The following CCSER1 variants were observed in gnomAD, a reference collection of about 807,000 sequenced individuals.
CCSER1 encodes the protein coiled-coil serine rich protein 1.
CCSER1 carries 41 observed loss-of-function variants against 82.0 expected under a neutral mutation model. The observed-to-expected ratio is 0.50, with a 90% confidence interval of 0.39 to 0.65. The LOEUF (loss-of-function observed/expected upper bound fraction) is 0.65, where lower values mean the gene tolerates loss of function less well. Among genes scored for constraint, CCSER1 ranks in the 30% least tolerant of loss-of-function variants. The pLI, the probability that CCSER1 is intolerant of heterozygous loss-of-function variation, is 0.00. For synonymous variants in CCSER1, 414 were observed against 383.9 expected (o/e 1.08, Z -0.92); for missense variants, 1,119 against 1,064.2 (o/e 1.05, Z -0.72).
intron 1 of CCSER1, among the ~76,000 whole-genome samples, chr4:90,286,353 T>C (rs1055353107): frequency 6.6e-6 from 1 of 152,070 alleles, no homozygotes; most frequent in Non-Finnish European, 1.5e-5. Flanking sequence ...TGCAATTTTA[T>C]TGTTTGTAAA....
In CCSER1 at chr4:90,822,033, C is replaced by T. The variant is rs183050017; in HGVS notation, c.2094+6188C>T. Among the ~76,000 whole-genome samples, 14 of 151,968 alleles carry T rather than the reference C, an allele frequency of 9.2e-5. No individual in the cohort carries two copies. In the East Asian group the frequency reaches 1.9e-3, roughly 21 times the overall value. On this transcript the variant is annotated intron_variant, in intron 8 of 10. Transcript: ENST00000509176. ...CTATGGATGAAGAGTGTGTACCATA[C>T]GACATCAGAAATTGAAGAAAGTATA...
At chr4:90,791,568 T>C (rs536493159) in intron 7 of CCSER1, among the ~76,000 whole-genome samples, 1 of 151,916 alleles carries the variant, frequency 6.6e-6, no homozygotes, top group South Asian at 2.1e-4. Flanking sequence ...TACACACTTT[T>C]AGCCGGGTGC....
At chr4:90,204,878 G>A (rs956430504) in intron 1 of CCSER1, among the ~76,000 whole-genome samples, 4 of 152,168 alleles carry the variant, frequency 2.6e-5, no homozygotes, top group Non-Finnish European at 5.9e-5. Context: ...TTGAGCAGAA[G>A]TTTGTAGTTC....
At chr4:90,525,726 G>A (rs887840524) in intron 5 of CCSER1, among the ~76,000 whole-genome samples, 4 of 152,026 alleles carry the variant, frequency 2.6e-5, no homozygotes, top group Non-Finnish European at 4.4e-5. Context: ...ACAGCAGTCC[G>A]TAACTGGGCT....
At chr4:90,720,175 T>C (rs1742421255) in intron 6 of CCSER1, among the ~76,000 whole-genome samples, 1 of 152,090 alleles carries the variant, frequency 6.6e-6, no homozygotes, top group Non-Finnish European at 1.5e-5. Context: ...AGTACTTCCT[T>C]GCTTTATGGT....
chr4:91,377,821 G>C (rs189029972), intron 10 of CCSER1, among the ~76,000 whole-genome samples: 2 of 152,060 alleles, frequency 1.3e-5, no homozygotes, highest in African/African-American at 2.4e-5. Flanking sequence ...TGAAGTCCTT[G>C]CCCATGCCTA....
intron 8 of CCSER1, among the ~76,000 whole-genome samples, chr4:90,823,902 T>C (rs1760101177): frequency 1.3e-5 from 2 of 152,002 alleles, no homozygotes; most frequent in Non-Finnish European, 2.9e-5. Flanking sequence ...TTTTTACTTT[T>C]TGACATATAG....
At chr4:90,548,346 C>T (rs113800949) in intron 5 of CCSER1, among the ~76,000 whole-genome samples, 4 of 152,250 alleles carry the variant, frequency 2.6e-5, no homozygotes, top group African/African-American at 9.6e-5. Flanking sequence ...ACTCATCCTT[C>T]AGCCCCACAT....
chr4:90,457,860 C>A (rs1762387388), intron 4 of CCSER1, among the ~76,000 whole-genome samples: 1 of 152,146 alleles, frequency 6.6e-6, no homozygotes, highest in Non-Finnish European at 1.5e-5. Flanking sequence ...CTGCTTTCTG[C>A]CATCATCAAC....
intron 10 of CCSER1, among the ~76,000 whole-genome samples, chr4:91,523,984 G>T (rs1560737114): frequency 6.6e-6 from 1 of 152,126 alleles, no homozygotes; most frequent in Non-Finnish European, 1.5e-5. Context: ...CTGCCATATT[G>T]AACAACAACA....
intron 8 of CCSER1, among the ~76,000 whole-genome samples, chr4:90,886,854 C>A (rs1469776561): frequency 3.9e-5 from 6 of 152,126 alleles, no homozygotes; most frequent in Non-Finnish European, 7.4e-5. Flanking sequence ...CTGTACTGAA[C>A]TCATTGTAAT....
intron 1 of CCSER1, among the ~76,000 whole-genome samples, chr4:90,189,223 G>A (rs767236411): frequency 6.6e-6 from 1 of 151,948 alleles, no homozygotes; most frequent in African/African-American, 2.4e-5. Flanking sequence ...AAGCCCGTCA[G>A]ACCAAGGATC....
chr4:90,589,878 A>C (rs1159301548), intron 5 of CCSER1, among the ~76,000 whole-genome samples: 1 of 152,232 alleles, frequency 6.6e-6, no homozygotes, highest in Non-Finnish European at 1.5e-5. Flanking sequence ...TTTGTTAGTT[A>C]CTATTTTCCT....
intron 10 of CCSER1, among the ~76,000 whole-genome samples, chr4:91,332,291 G>A (rs2149277647): frequency 1.3e-5 from 2 of 151,858 alleles, no homozygotes; most frequent in South Asian, 4.2e-4. Context: ...AATCTGGAAA[G>A]CATTGCTTAC....
At chr4:90,286,801 A>G (rs1729985897) in intron 1 of CCSER1, among the ~76,000 whole-genome samples, 1 of 151,966 alleles carries the variant, frequency 6.6e-6, no homozygotes, top group Admixed American at 6.6e-5. Context: ...TTATAAACAG[A>G]TTTTACATTC....
chr4:91,464,643 A>C (rs112078512), intron 10 of CCSER1, among the ~76,000 whole-genome samples: 1,553 of 152,308 alleles, frequency 0.01, 11 homozygotes, highest in Middle Eastern at 0.02. Flanking sequence ...GGCTCAAAAT[A>C]AAGGGATGGA....
At chr4:91,396,394 TAGTA>T (rs1165278560) in intron 10 of CCSER1, among the ~76,000 whole-genome samples, 11 of 152,120 alleles carry the variant, frequency 7.2e-5, no homozygotes, top group Non-Finnish European at 1.6e-4. Flanking sequence ...CTCTGGAACT[TAGTA>T]AGCTATCACT....
intron 10 of CCSER1, among the ~76,000 whole-genome samples, chr4:91,231,558 G>A (rs1416896908): frequency 6.6e-6 from 1 of 151,658 alleles, no homozygotes; most frequent in Non-Finnish European, 1.5e-5. Context: ...TGTTGTAGAT[G>A]AAATTTATTG....
chr4:91,039,748 A>C (rs1741794766), intron 9 of CCSER1, among the ~76,000 whole-genome samples: 1 of 151,930 alleles, frequency 6.6e-6, no homozygotes, highest in Non-Finnish European at 1.5e-5. Flanking sequence ...ATGTAGAATT[A>C]TATATGTATA....
Sources: gnomAD v4.1 joint callset for allele counts (sites outside exome capture counted in the v4.1 genomes callset) on GRCh38, gnomAD v4.1.1 for gene constraint, MANE v1.5 for transcripts, NCBI Gene and HGNC (gene_info 2026-07-23, HGNC 2026-07-21) for gene names.